Variants in USP10 observed in about 807,000 individuals in gnomAD.
USP10 encodes the protein ubiquitin specific peptidase 10, also known as ubiquitin carboxyl-terminal hydrolase 10.
USP10 carries 22 observed loss-of-function variants against 84.5 expected under a neutral mutation model. The ratio of observed to expected loss-of-function variants is 0.26; its 90% CI spans 0.19 to 0.37. USP10 has a LOEUF of 0.37. USP10 is among the 10% of genes least tolerant of loss of function. The probability of loss-of-function intolerance (pLI) is 1.00; values close to 1 mark genes in which losing one functional copy is unlikely to be tolerated. For missense variants in USP10, 1,019 were observed against 998.9 expected (o/e 1.02, Z -0.27); for synonymous variants, 454 against 387.6 (o/e 1.17, Z -2.01).
At chr16:84,711,655 G>C (rs1248287148) in intron 1 of USP10, among the ~76,000 whole-genome samples, 1 of 151,616 alleles carries the variant, frequency 6.6e-6, no homozygotes, top group East Asian at 1.9e-4. Context: ...TTCTAAGTTA[G>C]GTGCCAGCAG....
intron 1 of USP10, among the ~76,000 whole-genome samples, chr16:84,702,602 GA>G (rs1248807063): frequency 2.6e-5 from 4 of 152,078 alleles, no homozygotes; most frequent in African/African-American, 9.7e-5. Context: ...TTTATGTTGG[GA>G]ATAACAACTG....
At chr16:84,759,493 TGTGTTAAGTGGTGGG>T in intron 6 of USP10, 21 bp downstream of exon 6, 1 of 1,603,256 alleles carries the variant, frequency 6.2e-7, no homozygotes, top group Non-Finnish European at 8.5e-7. Context: ...TGGTGAAAGA[TGTGTTAAGTGGTGGG>T]GTTTTTCCCG....
At chr16:84,749,516 G>T (rs994711854) in intron 4 of USP10, among the ~76,000 whole-genome samples, 2 of 151,260 alleles carry the variant, frequency 1.3e-5, no homozygotes, top group African/African-American at 4.9e-5. Flanking sequence ...CTTGAGGCTC[G>T]ATAACTTGAG....
chr16:84,743,683 T>A (rs937185672), intron 3 of USP10, among the ~76,000 whole-genome samples: 1 of 152,242 alleles, frequency 6.6e-6, no homozygotes, highest in African/African-American at 2.4e-5. Context: ...GTGACATTGA[T>A]GCTTGATTTC....
intron 4 of USP10, among the ~76,000 whole-genome samples, chr16:84,749,943 A>ACGCCAGGGGAGAG (rs1911710279): frequency 6.6e-6 from 1 of 152,298 alleles, no homozygotes; most frequent in East Asian, 1.9e-4. Context: ...GGAGAAGGAC[A>ACGCCAGGGGAGAG]CGCCAGGGGA....
chr16:84,757,882 C>A (rs1912772298), intron 4 of USP10, among the ~76,000 whole-genome samples: 2 of 152,086 alleles, frequency 1.3e-5, no homozygotes, highest in African/African-American at 4.8e-5. Context: ...AGGATTAAGT[C>A]CAGCCAATTA....
intron 1 of USP10, among the ~76,000 whole-genome samples, chr16:84,717,867 G>C (rs1907253498): frequency 1.3e-5 from 2 of 152,168 alleles, no homozygotes; most frequent in South Asian, 2.1e-4. Flanking sequence ...AATTCATTCA[G>C]TTGCTATTCT....
At chr16:84,704,625 T>C in intron 1 of USP10, 3 of 1,277,284 alleles carry the variant, frequency 2.3e-6, no homozygotes, top group Non-Finnish European at 3.1e-6. Context: ...CCTTGGGGTA[T>C]GTGTATAGTA....
chr16:84,776,945 T>G (rs759250051), intron 13 of USP10, among the ~76,000 whole-genome samples: 5 of 152,238 alleles, frequency 3.3e-5, no homozygotes, highest in Non-Finnish European at 5.9e-5. Context: ...CCCGAGTAGC[T>G]GGGATTACAG....
rs1567661657 is a variant in USP10 at position 84,779,848 on chromosome 16, A to T, written c.*766A>T. The T allele has an allele frequency of 6.6e-6, 1 of 152,342 alleles. No homozygotes were observed. Among genetic ancestry groups the T allele is most frequent in the Admixed American group, 6.5e-5 (1 of 15,282 alleles). 9.4% of individuals were successfully genotyped at this position (152,342 alleles called of 1,614,324 possible). On this transcript the variant is annotated 3_prime_UTR_variant, in exon 14 of 14. Transcript: ENST00000219473. Reference sequence around the variant, plus strand: ...TGCTCTTCTCTAATGCTGCGTCCCTAATTGTACACAGTTTAGTGATATCTA... The same window carrying T: ...TGCTCTTCTCTAATGCTGCGTCCCTTATTGTACACAGTTTAGTGATATCTA...
intron 10 of USP10, among the ~76,000 whole-genome samples, chr16:84,766,799 G>T (rs571960354): frequency 2.0e-5 from 3 of 152,228 alleles, no homozygotes; most frequent in Non-Finnish European, 2.9e-5. Flanking sequence ...TTGAAAAACG[G>T]TAAAGCAAAG....
chr16:84,733,684 ATTTAC>A (rs1244120645), intron 2 of USP10, among the ~76,000 whole-genome samples, 181 bp downstream of exon 2: 1 of 152,202 alleles, frequency 6.6e-6, no homozygotes, highest in Non-Finnish European at 1.5e-5. Context: ...ATTTTGCTGT[ATTTAC>A]TTTATTAGGC....
intron 1 of USP10, chr16:84,716,583 C>T (rs1389804866): frequency 6.6e-6 from 1 of 152,112 alleles, no homozygotes; most frequent in African/African-American, 2.4e-5. Flanking sequence ...GAAACACTTC[C>T]TGAGGAGGTG....
chr16:84,749,399 G>A (rs1349476207), intron 4 of USP10, among the ~76,000 whole-genome samples: 1 of 152,156 alleles, frequency 6.6e-6, no homozygotes, highest in African/African-American at 2.4e-5. Context: ...TGTTTCTACT[G>A]AGACAGTGGT....
At chr16:84,760,059 C>T in intron 7 of USP10, 113 bp downstream of exon 7, 8 of 1,506,092 alleles carry the variant, frequency 5.3e-6, no homozygotes, top group African/African-American at 1.4e-5. Context: ...TACACCTATG[C>T]CATTCTCAAC....
intron 1 of USP10, among the ~76,000 whole-genome samples, chr16:84,724,931 G>C (rs1265837655): frequency 6.6e-6 from 1 of 152,166 alleles, no homozygotes; most frequent in Non-Finnish European, 1.5e-5. Flanking sequence ...GTAGATATCA[G>C]CTAGCACCCA....
chr16:84,772,752 G>T, intron 12 of USP10, 67 bp downstream of exon 12: 1 of 1,577,242 alleles, frequency 6.3e-7, no homozygotes, highest in Non-Finnish European at 8.6e-7. Context: ...GCTCAACCCT[G>T]TAGCATTTCT....
intron 12 of USP10, 29 bp from the exon 13 acceptor site, chr16:84,775,131 C>A: frequency 1.2e-6 from 2 of 1,608,072 alleles, no homozygotes; most frequent in Non-Finnish European, 1.7e-6. Flanking sequence ...TCTAAAAGTG[C>A]TTCAAGCCAT....
chr16:84,734,564 G>A (rs1456548357), intron 2 of USP10, among the ~76,000 whole-genome samples: 1 of 152,184 alleles, frequency 6.6e-6, no homozygotes, highest in Non-Finnish European at 1.5e-5. Flanking sequence ...AGCTTCACAT[G>A]TTAGGTGAAC....
Sources: gnomAD v4.1 joint callset for allele counts (sites outside exome capture counted in the v4.1 genomes callset) on GRCh38, gnomAD v4.1.1 for gene constraint, MANE v1.5 for transcripts, NCBI Gene and HGNC (gene_info 2026-07-23, HGNC 2026-07-21) for gene names.